Variants in ENTREP2 observed in about 807,000 individuals in gnomAD.
ENTREP2 encodes the protein endosomal transmembrane epsin interactor 2, also known as protein ENTREP2.
chr15:29,157,575 C>CA, the ENTREP2 span, among the ~76,000 whole-genome samples: 1 of 152,192 alleles, frequency 6.6e-6, no homozygotes, highest in African/African-American at 2.4e-5. Flanking sequence ...TCTTAAGGCT[C>CA]AGCCAGAAGC....
the ENTREP2 span, chr15:29,381,914 C>T: frequency 7.4e-5 from 95 of 1,275,572 alleles, no homozygotes; most frequent in African/African-American, 1.1e-3. Flanking sequence ...CGTTTCAACC[C>T]GGAGAAGGAC....
chr15:29,366,407 A>AT, the ENTREP2 span, among the ~76,000 whole-genome samples: 3,305 of 152,226 alleles, frequency 0.022, 134 homozygotes, highest in African/African-American at 0.075. Flanking sequence ...TTAAACTAGG[A>AT]TTTTTTTATC....
the ENTREP2 span, among the ~76,000 whole-genome samples, chr15:29,577,105 C>T: frequency 6.6e-6 from 1 of 151,430 alleles, no homozygotes; most frequent in African/African-American, 2.4e-5. Flanking sequence ...CCAGACCTGG[C>T]CAGCTATATT....
the ENTREP2 span, among the ~76,000 whole-genome samples, chr15:29,400,499 G>C: frequency 6.6e-6 from 1 of 152,028 alleles, no homozygotes; most frequent in East Asian, 1.9e-4. Flanking sequence ...ACCAAAAAGG[G>C]GAAAAGAAAA....
At chr15:29,231,405 G>A in the ENTREP2 span, among the ~76,000 whole-genome samples, 12 of 152,074 alleles carry the variant, frequency 7.9e-5, no homozygotes, top group African/African-American at 2.9e-4. Context: ...CCCAGGCACT[G>A]ATGTAAAAAA....
At chr15:29,390,506 C>G in the ENTREP2 span, among the ~76,000 whole-genome samples, 1 of 152,286 alleles carries the variant, frequency 6.6e-6, no homozygotes, top group East Asian at 1.9e-4. Context: ...TGAGTTGTCA[C>G]AAGGACGCCA....
chr15:29,601,715 G>A, the ENTREP2 span, among the ~76,000 whole-genome samples: 1 of 151,874 alleles, frequency 6.6e-6, no homozygotes, highest in Admixed American at 6.6e-5. Context: ...TTTCATCTTT[G>A]TTGGCCAATT....
chr15:29,331,142 T>G, the ENTREP2 span, among the ~76,000 whole-genome samples: 1 of 152,362 alleles, frequency 6.6e-6, no homozygotes, highest in South Asian at 2.1e-4. Context: ...GGCTTAATGT[T>G]TGCTTGGTGT....
the ENTREP2 span, among the ~76,000 whole-genome samples, chr15:29,498,249 T>C: frequency 6.8e-3 from 1,039 of 152,306 alleles, 7 homozygotes; most frequent in African/African-American, 0.024. Context: ...TTAAACCTCT[T>C]TTCTTTATAA....
At chr15:29,233,637 T>C in the ENTREP2 span, 7 of 806,444 alleles carry the variant, frequency 8.7e-6, no homozygotes, top group African/African-American at 1.2e-4. Flanking sequence ...TGCGAGAGCT[T>C]AGTTTATGCA....
chr15:29,504,110 G>T, the ENTREP2 span, among the ~76,000 whole-genome samples: 1 of 152,168 alleles, frequency 6.6e-6, no homozygotes, highest in Non-Finnish European at 1.5e-5. Flanking sequence ...TAAACAATTT[G>T]AAGAGCAGTT....
chr15:29,540,636 G>A, the ENTREP2 span, among the ~76,000 whole-genome samples: 5 of 152,186 alleles, frequency 3.3e-5, no homozygotes, highest in African/African-American at 9.6e-5. Context: ...GTCAGGAGAC[G>A]AAAACCTAAC....
chr15:29,621,965 A>G, the ENTREP2 span, among the ~76,000 whole-genome samples: 1 of 152,198 alleles, frequency 6.6e-6, no homozygotes, highest in Non-Finnish European at 1.5e-5. Context: ...GCTAATCACA[A>G]AAGAACAAAT....
At chr15:29,444,226 GAAA>G in the ENTREP2 span, among the ~76,000 whole-genome samples, 1 of 148,546 alleles carries the variant, frequency 6.7e-6, no homozygotes, top group African/African-American at 2.5e-5. Flanking sequence ...AAGAAAGAAA[GAAA>G]GAAAGAAAGA....
the ENTREP2 span, among the ~76,000 whole-genome samples, chr15:29,497,550 A>G: frequency 1.3e-5 from 2 of 152,212 alleles, no homozygotes; most frequent in East Asian, 3.9e-4. Context: ...GAATTTATCC[A>G]TTACTTCTGG....
At chr15:29,236,916 AAAG>A in the ENTREP2 span, among the ~76,000 whole-genome samples, 3,004 of 152,238 alleles carry the variant, frequency 0.02, 103 homozygotes, top group African/African-American at 0.068. Flanking sequence ...AGGGAGGAAA[AAAG>A]AAAAGAAAAA....
chr15:29,316,713 A>G, the ENTREP2 span, among the ~76,000 whole-genome samples: 3 of 152,298 alleles, frequency 2.0e-5, no homozygotes, highest in Admixed American at 6.5e-5. Context: ...TATATAGTTG[A>G]GATATCCACA....
At chr15:29,599,090 G>A in the ENTREP2 span, among the ~76,000 whole-genome samples, 1 of 152,208 alleles carries the variant, frequency 6.6e-6, no homozygotes, top group Non-Finnish European at 1.5e-5. Context: ...TTGATAGCAA[G>A]TCCATCATTT....
chr15:29,184,381 C>A, the ENTREP2 span, among the ~76,000 whole-genome samples: 2 of 152,142 alleles, frequency 1.3e-5, no homozygotes, highest in African/African-American at 4.8e-5. Flanking sequence ...GTCATTTGCA[C>A]GGAAATGACC....
Sources: allele counts gnomAD v4.1 joint callset (sites outside exome capture counted in the v4.1 genomes callset), GRCh38; gene constraint gnomAD v4.1.1; transcripts MANE v1.5; gene names NCBI Gene and HGNC (gene_info 2026-07-23, HGNC 2026-07-21).